Variants in IST1 observed in about 807,000 individuals in gnomAD.
The protein encoded by IST1 is IST1 factor associated with ESCRT-III.
A neutral mutation model predicts 37.0 loss-of-function variants in IST1; 23 were observed. The observed-to-expected ratio is 0.62, with a 90% CI of 0.45 to 0.88. The LOEUF is 0.88. IST1 is among the 40% of genes least tolerant of loss of function. The pLI, the probability that IST1 is intolerant of heterozygous loss-of-function variation, is 0.00. For synonymous variants in IST1, 180 were observed against 161.7 expected, an observed-to-expected ratio of 1.11 and a Z score of -0.86; for missense variants, 488 against 445.4, an observed-to-expected ratio of 1.10 and a Z score of -0.86.
At chr16:71,927,512 C>A in intron 9 of IST1, 102 bp from the exon 10 acceptor site, 23 of 806,544 alleles carry the variant, frequency 2.9e-5, no homozygotes, top group Non-Finnish European at 3.6e-5. Context: ...AGTTTGTGAA[C>A]TAAGGTTTTC....
intron 1 of IST1, among the ~76,000 whole-genome samples, chr16:71,895,934 G>C (rs944747970): frequency 6.6e-6 from 1 of 152,204 alleles, no homozygotes; most frequent in Admixed American, 6.5e-5. Flanking sequence ...CTCGGCGAGG[G>C]CTCCTCGGCG....
At position 71,895,574 on chromosome 16, in the gene IST1, G is replaced by C; in HGVS notation, c.-31G>C. On this transcript the variant is annotated 5_prime_UTR_variant, in exon 1 of 10. Coordinates refer to ENST00000378799, the MANE Select transcript of IST1 (RefSeq NM_001270975.2). ...TGAAGTCGGTGTCTGCTGCGTTCAC[G>C]GCAGGATTCGGTTAGGTGAGTGTGG... is the stretch of plus-strand genomic sequence containing the variant. 3 of 985,192 alleles carry C rather than the reference G, an allele frequency of 3.0e-6. No homozygotes were observed. Among genetic ancestry groups the C allele is most frequent in the South Asian group, 9.4e-5 (2 of 21,344 alleles). The allele number at this position is 985,192 out of a possible 1,614,324, so 61.0% of individuals were successfully genotyped here. A position where few individuals can be genotyped will look rare whatever the true frequency, so the allele number is the denominator to read the frequency against.
intron 1 of IST1, among the ~76,000 whole-genome samples, chr16:71,897,039 G>A (rs1012275283): frequency 6.6e-6 from 1 of 151,846 alleles, no homozygotes; most frequent in African/African-American, 2.4e-5. Context: ...TTGTTCTGCA[G>A]ACGGGGGTCT....
At chr16:71,897,683 C>G (rs776930310) in intron 1 of IST1, among the ~76,000 whole-genome samples, 1 of 152,170 alleles carries the variant, frequency 6.6e-6, no homozygotes, top group East Asian at 1.9e-4. Flanking sequence ...CGGTGGCTCA[C>G]GCCTGTAATC....
chr16:71,923,136 TGTG>T, intron 7 of IST1, 149 bp from the exon 8 acceptor site: 1 of 479,288 alleles, frequency 2.1e-6, no homozygotes. Context: ...CCTGACCACA[TGTG>T]GTCCTTTTGG....
upstream of IST1, chr16:71,894,606 G>A: frequency 2.1e-6 from 1 of 485,106 alleles, no homozygotes; most frequent in Non-Finnish European, 3.7e-6. Flanking sequence ...GTTTACTGCA[G>A]CAGCGACCTT....
chr16:71,895,191 C>G (rs1370200668), upstream of IST1: 1 of 206,946 alleles, frequency 4.8e-6, no homozygotes. Context: ...ATGGAAGAAT[C>G]CGGAACCAAG....
intron 1 of IST1, among the ~76,000 whole-genome samples, chr16:71,911,378 C>T (rs1597243634): frequency 6.6e-6 from 1 of 151,428 alleles, no homozygotes; most frequent in African/African-American, 2.4e-5. Context: ...TATTGCTATA[C>T]AAAGTTCAGC....
chr16:71,894,679 C>G, upstream of IST1: 1 of 585,170 alleles, frequency 1.7e-6, no homozygotes, highest in Non-Finnish European at 3.0e-6. Flanking sequence ...GTGCTCACTG[C>G]TGCTCCCCTA....
rs1245900681 is a variant in IST1 at position 71,904,870 on chromosome 16, A to G, written c.-16+9281A>G. Among the ~76,000 whole-genome samples the G allele has an allele frequency of 5.9e-5, 9 of 151,898 alleles. No homozygotes were observed. In the East Asian group the frequency reaches 7.7e-4, roughly 13 times the overall value. ...TCTGTCTTTTAATTGTGTTTATACC[A>G]TTTTCATTTAATTATGTAATTTTTG... is the stretch of plus-strand genomic sequence containing the variant. On this transcript the variant is annotated intron_variant, in intron 1 of 9. Transcript: ENST00000378799.
At chr16:71,894,922 G>A, upstream of IST1, 1 of 1,160,948 alleles carries the variant, frequency 8.6e-7, no homozygotes, top group Admixed American at 2.0e-5. Context: ...AGAGACTGTG[G>A]TGCTGAGGAA....
intron 1 of IST1, among the ~76,000 whole-genome samples, chr16:71,902,262 A>T (rs1432447270): frequency 6.6e-6 from 1 of 151,908 alleles, no homozygotes; most frequent in South Asian, 2.1e-4. Context: ...ATGGTTCTTA[A>T]TTTTAGATTT....
At chr16:71,899,596 C>G (rs1166522461) in intron 1 of IST1, among the ~76,000 whole-genome samples, 1 of 152,048 alleles carries the variant, frequency 6.6e-6, no homozygotes, top group African/African-American at 2.4e-5. Flanking sequence ...AAACCTCAGG[C>G]TGGGAGTGGT....
intron 1 of IST1, among the ~76,000 whole-genome samples, chr16:71,907,977 G>A (rs542533370): frequency 3.8e-4 from 58 of 151,934 alleles, no homozygotes; most frequent in Admixed American, 3.1e-3. Context: ...ACGGAGTCTC[G>A]CTCTGTTGCC....
At chr16:71,922,922 A>G (rs1019459701) in intron 7 of IST1, 2 of 569,272 alleles carry the variant, frequency 3.5e-6, no homozygotes, top group Non-Finnish European at 6.2e-6. Flanking sequence ...GGTTTACTGA[A>G]TATCTTTGGG....
intron 1 of IST1, among the ~76,000 whole-genome samples, chr16:71,904,568 C>T (rs974626202): frequency 1.3e-5 from 2 of 152,130 alleles, no homozygotes; most frequent in African/African-American, 4.8e-5. Flanking sequence ...CACATGCTAC[C>T]GTGTCCAGCT....
Position 71,898,370 on chromosome 16 carries a change from G to GAA in IST1, c.-16+2798_-16+2799dup, listed in dbSNP as rs57871135. Among the ~76,000 whole-genome samples, 1,003 of 100,786 alleles carry GAA rather than the reference G, an allele frequency of 1.0e-2. 22 individuals carry two copies. The highest frequency in any genetic ancestry group is 0.03 in the African/African-American group (717 of 24,284). The allele number at this position is 100,786 out of a possible 152,430, so 66.1% of individuals were successfully genotyped here. A position where few individuals can be genotyped will look rare whatever the true frequency, so the allele number is the denominator to read the frequency against. On this transcript the variant is annotated intron_variant, in intron 1 of 9. Transcript: ENST00000378799. ...GGTGACAGAGACACTCTCTCTCTCA[G>GAA]AAAAAAAAAAAAAAAAAAGAAACTC...
At chr16:71,899,790 G>A (rs1325314268) in intron 1 of IST1, among the ~76,000 whole-genome samples, 1 of 152,124 alleles carries the variant, frequency 6.6e-6, no homozygotes, top group Non-Finnish European at 1.5e-5. Context: ...TCGGGAGGCC[G>A]AGGCGGGTGG....
intron 1 of IST1, among the ~76,000 whole-genome samples, chr16:71,896,258 G>C (rs1348522463): frequency 6.6e-6 from 1 of 152,128 alleles, no homozygotes; most frequent in Non-Finnish European, 1.5e-5. Context: ...TGCTGGAGGT[G>C]ACCTCTTGGA....
Sources: allele counts gnomAD v4.1 joint callset (sites outside exome capture counted in the v4.1 genomes callset), GRCh38; gene constraint gnomAD v4.1.1; transcripts MANE v1.5; gene names NCBI Gene and HGNC (gene_info 2026-07-23, HGNC 2026-07-21).